The following NR1H4 variants were observed in gnomAD, a reference collection of about 807,000 sequenced individuals.
The protein encoded by NR1H4 is bile acid receptor.
In NR1H4, 23 loss-of-function variants were observed where a neutral mutation model predicts 58.5. The ratio of observed to expected loss-of-function variants is 0.39; its 90% CI spans 0.28 to 0.56. The LOEUF (loss-of-function observed/expected upper bound fraction) is 0.56, where lower values mean the gene tolerates loss of function less well. Among genes scored for constraint, NR1H4 ranks in the 20% least tolerant of loss-of-function variants. The probability of loss-of-function intolerance (pLI) is 0.58; values close to 1 mark genes in which losing one functional copy is unlikely to be tolerated. For synonymous variants in NR1H4, 214 were observed against 198.0 expected (o/e 1.08, Z -0.68); for missense variants, 487 against 576.9 (o/e 0.84, Z 1.60).
chr12:100,517,051 C>G (rs762923687), intron 4 of NR1H4, among the ~76,000 whole-genome samples: 2 of 151,650 alleles, frequency 1.3e-5, no homozygotes, highest in Non-Finnish European at 2.9e-5. Context: ...TAAAAAACCT[C>G]TCTTCTAGTT....
chr12:100,514,346 G>A (rs140241064), intron 4 of NR1H4, among the ~76,000 whole-genome samples: 3 of 152,228 alleles, frequency 2.0e-5, no homozygotes, highest in Non-Finnish European at 4.4e-5. Flanking sequence ...TTCTAAGCAA[G>A]TTTATAAATT....
intron 6 of NR1H4, 110 bp from the exon 7 acceptor site, chr12:100,536,402 C>CT (rs113077673): frequency 0.072 from 37,765 of 526,822 alleles, 222 homozygotes; most frequent in African/African-American, 0.093. Flanking sequence ...GTATTTATGC[C>CT]TTTTTTTTTT....
At chr12:100,531,669 G>A (rs1005022573) in intron 4 of NR1H4, among the ~76,000 whole-genome samples, 2 of 152,150 alleles carry the variant, frequency 1.3e-5, no homozygotes, top group African/African-American at 4.8e-5. Context: ...CTCTGAAAGT[G>A]TCAGGAACTG....
At chr12:100,508,559 T>C (rs1566442720) in intron 3 of NR1H4, among the ~76,000 whole-genome samples, 1 of 152,208 alleles carries the variant, frequency 6.6e-6, no homozygotes, top group Middle Eastern at 3.4e-3. Context: ...CTTAGGTAGG[T>C]AGGAGTAAAG....
Position 100,561,886 on chromosome 12 carries a change from TA to T in NR1H4, c.1081del (p.Ile361SerfsTer6), listed in dbSNP as rs1260924826. On this transcript the variant is annotated frameshift_variant and splice_region_variant, in exon 10 of 11. Transcript: ENST00000392986. LOFTEE classifies it high-confidence loss of function. ...TATGATTGCAACTTTCCCCCACAGGTATCTCTGATGAATATATAACACCTAT... is the reference window on the plus strand; with the variant it reads ...TATGATTGCAACTTTCCCCCACAGGTTCTCTGATGAATATATAACACCTAT... ...LLEERIRNSG[I>X]SDEYITPMFS... The T allele has an allele frequency of 8.4e-7, 1 of 1,195,190 alleles. No individual in the cohort carries two copies. Among genetic ancestry groups the T allele is most frequent in the East Asian group, 2.3e-5 (1 of 42,842 alleles). The allele number at this position is 1,195,190 out of a possible 1,614,324, so 74.0% of individuals were successfully genotyped here.
intron 4 of NR1H4, among the ~76,000 whole-genome samples, chr12:100,517,602 C>T (rs1388677156): frequency 6.6e-6 from 1 of 152,204 alleles, no homozygotes; most frequent in Admixed American, 6.5e-5. Flanking sequence ...TGTGAGGAAA[C>T]ATCATACTGT....
At chr12:100,481,824 G>C (rs1404219277) in intron 1 of NR1H4, among the ~76,000 whole-genome samples, 1 of 152,150 alleles carries the variant, frequency 6.6e-6, no homozygotes, top group Non-Finnish European at 1.5e-5. Context: ...TGAGGCAGGA[G>C]AATGGTGTGA....
At chr12:100,553,541 G>C (rs1955255228) in intron 9 of NR1H4, among the ~76,000 whole-genome samples, 1 of 152,260 alleles carries the variant, frequency 6.6e-6, no homozygotes, top group East Asian at 1.9e-4. Flanking sequence ...GACATAAAAA[G>C]TGTATCCCAC....
chr12:100,526,222 A>G (rs1456131144), intron 4 of NR1H4, among the ~76,000 whole-genome samples: 1 of 143,886 alleles, frequency 6.9e-6, no homozygotes, highest in Non-Finnish European at 1.5e-5. Flanking sequence ...TTTGGATTTA[A>G]TTTGTTCTTT....
Position 100,511,044 on chromosome 12 carries a change from G to A in NR1H4, c.346G>A (p.Ala116Thr), listed in dbSNP as rs375599105. ...MPVTKKPRMGASAGRIKGDEL... is the reference protein window; with the variant it reads ...MPVTKKPRMGTSAGRIKGDEL... ...TGTAACAAAGAAGCCCCGCATGGGC[G>A]CGTCAGCAGGGAGGATCAAAGGGGA... is the stretch of plus-strand genomic sequence containing the variant. The change falls in exon 4 of 11, where the codon GCG becomes ACG. Residue 116 changes from alanine (A) to threonine (T), a missense_variant. Physicochemically the swap from Ala to Thr is moderately conservative, Grantham distance 58. Transcript: ENST00000392986. The A allele has an allele frequency of 1.1e-5, 17 of 1,614,280 alleles. No homozygotes were observed. The highest frequency in any genetic ancestry group is 8.0e-5 in the African/African-American group (6 of 75,072).
chr12:100,505,494 G>T (rs1363494528), intron 3 of NR1H4: 11 of 656,948 alleles, frequency 1.7e-5, no homozygotes, highest in Non-Finnish European at 2.2e-5. Context: ...ACCTCAGAAA[G>T]CTCCCTCAGA....
intron 8 of NR1H4, among the ~76,000 whole-genome samples, chr12:100,538,901 T>C (rs892988602): frequency 1.3e-5 from 2 of 152,174 alleles, no homozygotes; most frequent in African/African-American, 4.8e-5. Context: ...ATTTACTATA[T>C]GCTAATTAAA....
chr12:100,559,213 G>T (rs537582525), intron 9 of NR1H4, among the ~76,000 whole-genome samples: 1 of 152,202 alleles, frequency 6.6e-6, no homozygotes, highest in Non-Finnish European at 1.5e-5. Flanking sequence ...AGGTGACAGC[G>T]TGCTGGCAGT....
chr12:100,489,777 T>C (rs1478601480), intron 1 of NR1H4, among the ~76,000 whole-genome samples: 1 of 152,216 alleles, frequency 6.6e-6, no homozygotes, highest in East Asian at 1.9e-4. Flanking sequence ...AAGACTTTTT[T>C]TCAGTATACT....
chr12:100,503,227 A>T, intron 3 of NR1H4: 3 of 829,054 alleles, frequency 3.6e-6, no homozygotes, highest in Non-Finnish European at 5.2e-6. Context: ...TATCTAAGAG[A>T]CTGGTTTCCA....
chr12:100,484,838 T>C (rs1174928655), intron 1 of NR1H4, among the ~76,000 whole-genome samples: 1 of 152,216 alleles, frequency 6.6e-6, no homozygotes, highest in Non-Finnish European at 1.5e-5. Context: ...CACAGTTAGG[T>C]TCCCCAAACA....
rs542511982 is a variant in NR1H4, at chr12:100,491,738, A to G, written c.-189-765A>G. On this transcript the variant is annotated intron_variant, in intron 1 of 10. Transcript: ENST00000392986. ...CCAGATGGACCCAGATATGCCTGGA[A>G]CCCACAGTGGACACAGTTTGTGTCT... Among the ~76,000 whole-genome samples the G allele has an allele frequency of 1.4e-3, 212 of 151,754 alleles. 2 individuals are homozygous for G. Among genetic ancestry groups the G allele is most frequent in the Middle Eastern group, 3.4e-3 (1 of 294 alleles).
At chr12:100,495,686 G>T (rs1016889595) in intron 3 of NR1H4, among the ~76,000 whole-genome samples, 2 of 151,702 alleles carry the variant, frequency 1.3e-5, no homozygotes, top group South Asian at 4.2e-4. Flanking sequence ...TCGAGATCGC[G>T]CCACTGCACT....
At chr12:100,537,645 AAAG>A (rs1288537133) in intron 8 of NR1H4, among the ~76,000 whole-genome samples, 1 of 152,250 alleles carries the variant, frequency 6.6e-6, no homozygotes, top group African/African-American at 2.4e-5. Context: ...TCTAAAAGAA[AAAG>A]AAGTTTTCCA....
Sources: allele counts gnomAD v4.1 joint callset (sites outside exome capture counted in the v4.1 genomes callset), GRCh38; gene constraint gnomAD v4.1.1; transcripts MANE v1.5; gene names NCBI Gene and HGNC (gene_info 2026-07-23, HGNC 2026-07-21).